The following DOCK6 variants were observed in gnomAD, a reference collection of about 807,000 sequenced individuals.
DOCK6 encodes dedicator of cytokinesis 6.
A neutral mutation model predicts 230.3 loss-of-function variants in DOCK6; 167 were observed. That is an observed-to-expected ratio of 0.73 (90% CI 0.64 to 0.82). The LOEUF (loss-of-function observed/expected upper bound fraction) is 0.82. DOCK6 is among the 40% of genes least tolerant of loss of function. The pLI, the probability that DOCK6 is intolerant of heterozygous loss-of-function variation, is 0.00. For missense variants in DOCK6, 2,598 were observed against 2,825.8 expected (o/e 0.92, Z 1.83); for synonymous variants, 1,148 against 1,185.0 (o/e 0.97, Z 0.64).
intron 35 of DOCK6, 91 bp downstream of exon 35, chr19:11,213,085 C>G: frequency 6.7e-7 from 1 of 1,492,310 alleles, no homozygotes; most frequent in Non-Finnish European, 9.0e-7. Context: ...CAATGACTGT[C>G]TCCCCCTCCC....
At chr19:11,242,299 T>A in intron 13 of DOCK6, 92 bp from the exon 14 acceptor site, 4 of 1,241,282 alleles carry the variant, frequency 3.2e-6, no homozygotes, top group African/African-American at 1.6e-5. Flanking sequence ...GACTCTCCCA[T>A]GATGTTCTCT....
In DOCK6 at chr19:11,236,832, G is replaced by A. The variant is rs936602894; in HGVS notation, c.2121C>T (p.Phe707=). Residue 707 remains phenylalanine, a synonymous_variant, in exon 19 of 48, where the codon TTC becomes TTT. Coordinates refer to ENST00000294618, the MANE Select transcript of DOCK6 (RefSeq NM_020812.4). The surrounding 1 kb of genome is among the most constrained non-coding windows in gnomAD (Gnocchi z 5.2). ...AGGACACGGCTGTGAGCTCCACACT[G>A]AACACGCCCTTGTGACCGTCCACCC... The part of the protein sequence containing the change: ...MRWVDGHKGV[F]SVELTAVSSV... 1 of 1,555,620 alleles carries A rather than the reference G, an allele frequency of 6.4e-7. No individual in the cohort carries two copies. Among genetic ancestry groups the A allele is most frequent in the Non-Finnish European group, 8.7e-7 (1 of 1,149,782 alleles).
chr19:11,217,897 G>C (rs1419604565), intron 28 of DOCK6, among the ~76,000 whole-genome samples: 3 of 151,788 alleles, frequency 2.0e-5, no homozygotes, highest in Non-Finnish European at 4.4e-5. Flanking sequence ...TGTTGCCCCG[G>C]CTGGAGTACA....
rs2147853337 is a variant in DOCK6, at chr19:11,243,612, C to T, written c.1203G>A (p.Leu401=). The T allele has an allele frequency of 1.9e-6, 3 of 1,611,576 alleles. No homozygotes were observed. The highest frequency in any genetic ancestry group is 2.5e-6 in the Non-Finnish European group (3 of 1,179,350). Residue 401 remains leucine, a synonymous_variant, in exon 11 of 48, where the codon TTG becomes TTA. Transcript: ENST00000294618. The surrounding 1 kb of genome is among the most constrained non-coding windows in gnomAD (Gnocchi z 6.3). ...GCCCAGCGCTGCTCACGATGTTGGC[C>T]AAGTGCACGGCCGTCCAGGCGAAGG... The part of the protein sequence containing the change: ...RMPFAWTAVH[L]ANIVSSAGQL...
intron 22 of DOCK6, 27 bp from the exon 23 acceptor site, chr19:11,229,062 G>A: frequency 6.2e-7 from 1 of 1,603,406 alleles, no homozygotes. Context: ...GGGTCACAGA[G>A]TGCGAGGTGC....
chr19:11,249,076 T>C (rs1404315960), intron 6 of DOCK6, among the ~76,000 whole-genome samples: 1 of 152,080 alleles, frequency 6.6e-6, no homozygotes, highest in African/African-American at 2.4e-5. Context: ...GTTGGTTGGA[T>C]AAAAATAGAC....
intron 28 of DOCK6, among the ~76,000 whole-genome samples, chr19:11,218,991 G>A (rs2079538830): frequency 7.1e-6 from 1 of 141,344 alleles, no homozygotes; most frequent in Admixed American, 7.7e-5. Context: ...TGATTCTCCT[G>A]CCTCAGCCTC....
rs569252055 is a variant in DOCK6 at position 11,230,207 on chromosome 19, C to T, written c.2719-1172G>A. ...TACAAAAATTAGCTGGGCGTGGTGG[C>T]AGGCACCTGTAATTCCAGCTACTTG... On this transcript the variant is annotated intron_variant, in intron 22 of 47. Transcript: ENST00000294618. Among the ~76,000 whole-genome samples the T allele has an allele frequency of 3.9e-5, 6 of 152,166 alleles. No homozygotes were observed. The South Asian group carries it at 6.2e-4, about 16-fold the overall frequency.
intron 6 of DOCK6, among the ~76,000 whole-genome samples, chr19:11,249,814 C>T (rs1400111912): frequency 1.5e-5 from 2 of 135,578 alleles, no homozygotes; most frequent in Non-Finnish European, 3.1e-5. Context: ...AGGAGAATGG[C>T]GTGAACCCGG....
chr19:11,213,034 C>T lies in DOCK6; in HGVS notation c.4491+142G>A, dbSNP rs558071379. On this transcript the variant is annotated intron_variant, in intron 35 of 47. Coordinates refer to ENST00000294618, the MANE Select transcript of DOCK6 (RefSeq NM_020812.4). Reference sequence around the variant, plus strand: ...TACAGGAATGAGCCACGGCACCTGACCCCCAATTGCATTCTGAGCCCTCCT... The same window carrying T: ...TACAGGAATGAGCCACGGCACCTGATCCCCAATTGCATTCTGAGCCCTCCT... 6.2e-6 allele frequency: 7 copies of T among 1,133,674 alleles called. No homozygotes were observed. The African/African-American group carries it at 6.2e-5, about 10-fold the overall frequency. The allele number at this position is 1,133,674 out of a possible 1,614,324, so 70.2% of individuals were successfully genotyped here.
In DOCK6 at chr19:11,236,038, G is replaced by A. The variant is rs1238366143; in HGVS notation, c.2393-279C>T. ...TGGGATTACAGGCATGCGCCACCAC[G>A]CCCAGCTAATTTTGTATTTTTAGTA... On this transcript the variant is annotated intron_variant, in intron 20 of 47. Coordinates refer to ENST00000294618, the MANE Select transcript of DOCK6 (RefSeq NM_020812.4). This position sits in a 1 kb window ranked among gnomAD's most constrained non-coding sequence, Gnocchi z 5.2. 12 of 490,152 alleles carry A rather than the reference G, an allele frequency of 2.4e-5. No homozygotes were observed. Among genetic ancestry groups the A allele is most frequent in the Non-Finnish European group, 4.3e-5 (12 of 280,344 alleles). The allele number at this position is 490,152 out of a possible 1,614,324, so 30.4% of individuals were successfully genotyped here.
chr19:11,200,957 C>G lies in DOCK6; in HGVS notation c.5784G>C (p.Lys1928Asn), dbSNP rs1426787285. 1 of 1,613,994 alleles carries G rather than the reference C, an allele frequency of 6.2e-7. No individual in the cohort carries two copies. Among genetic ancestry groups the G allele is most frequent in the Admixed American group, 1.7e-5 (1 of 60,024 alleles). ...FATEQDPPDAKMLQMVLQGSV... is the reference protein window; with the variant it reads ...FATEQDPPDANMLQMVLQGSV... ...AGCCCTGAAGCACCATCTGTAGCAT[C>G]TTAGCATCTGGTGGGTCCTGCTCGG... The change falls in exon 45 of 48, where the codon AAG becomes AAC. Residue 1928 changes from lysine (K) to asparagine (N), a missense_variant. Coordinates refer to ENST00000294618, the MANE Select transcript of DOCK6 (RefSeq NM_020812.4). The surrounding 1 kb of genome is among the most constrained non-coding windows in gnomAD (Gnocchi z 4.3).
chr19:11,214,473 G>T, intron 33 of DOCK6, 64 bp from the exon 34 acceptor site: 1 of 1,613,610 alleles, frequency 6.2e-7, no homozygotes, highest in Non-Finnish European at 8.5e-7. Context: ...GAAAGGGAAG[G>T]AGAGGGATTA....
At chr19:11,229,142 A>G (rs2079722537) in intron 22 of DOCK6, 107 bp from the exon 23 acceptor site, 1 of 1,258,076 alleles carries the variant, frequency 7.9e-7, no homozygotes, top group South Asian at 1.5e-5. Context: ...GGGTTAGTGC[A>G]GCAGGAGCCA....
chr19:11,207,865 G>A (rs767730464), intron 39 of DOCK6, among the ~76,000 whole-genome samples: 9 of 152,098 alleles, frequency 5.9e-5, no homozygotes, highest in Non-Finnish European at 8.8e-5. Flanking sequence ...TGGAGGCCGA[G>A]GTTGTAGTGA....
At chr19:11,229,852 T>C (rs986236023) in intron 22 of DOCK6, among the ~76,000 whole-genome samples, 1 of 151,432 alleles carries the variant, frequency 6.6e-6, no homozygotes, top group Non-Finnish European at 1.5e-5. Context: ...AGACATTGAC[T>C]CTACTAAGAC....
In DOCK6 at chr19:11,228,924, G is replaced by T. The variant is rs1284853202; in HGVS notation, c.2814+16C>A. The T allele has an allele frequency of 6.2e-7, 1 of 1,613,204 alleles. No homozygotes were observed. Among genetic ancestry groups the T allele is most frequent in the Non-Finnish European group, 8.5e-7 (1 of 1,179,416 alleles). On this transcript the variant is annotated intron_variant, in intron 23 of 47. Coordinates refer to ENST00000294618, the MANE Select transcript of DOCK6 (RefSeq NM_020812.4). ...TGGGGGTCTCTTGCCACCAGGCAGG[G>T]AGGAGGGGGTCTCACCATGAGCTGG...
chr19:11,227,408 C>T lies in DOCK6; in HGVS notation c.2884G>A (p.Gly962Arg), dbSNP rs751035858. The change falls in exon 24 of 48, where the codon GGA (glycine) becomes AGA (arginine). Residue 962 changes from glycine to arginine, a missense_variant. Physicochemically the swap from Gly to Arg is moderately radical, Grantham distance 125. Transcript: ENST00000294618. ...GCAGTGATGTCGTCCAGGAAGCGTCCGGGGAAGCGCAGCTTGCGGGGTGTG... is the reference window on the plus strand; with the variant it reads ...GCAGTGATGTCGTCCAGGAAGCGTCTGGGGAAGCGCAGCTTGCGGGGTGTG... ...LDTPRKLRFP[G>R]RFLDDITALV... The T allele has an allele frequency of 7.4e-6, 12 of 1,613,338 alleles. No homozygotes were observed. The highest frequency in any genetic ancestry group is 3.3e-5 in the Admixed American group (2 of 59,926).
intron 3 of DOCK6, 96 bp downstream of exon 3, chr19:11,252,687 C>A: frequency 7.5e-6 from 12 of 1,592,730 alleles, no homozygotes; most frequent in Non-Finnish European, 9.5e-6. Context: ...GCTTGTCCAA[C>A]GTCACGGCCA....
Sources: gnomAD v4.1 joint callset for allele counts (sites outside exome capture counted in the v4.1 genomes callset) on GRCh38, gnomAD v4.1.1 for gene constraint, Gnocchi (gnomAD v3.1) non-coding constraint, MANE v1.5 for transcripts, NCBI Gene and HGNC (gene_info 2026-07-23, HGNC 2026-07-21) for gene names.